The following PRTG variants were observed in gnomAD, a reference collection of about 807,000 sequenced individuals.
PRTG encodes immunoglobulin superfamily, DCC subclass, member 5.
PRTG carries 67 observed loss-of-function variants against 122.5 expected under a neutral mutation model. The observed-to-expected ratio is 0.55, with a 90% CI of 0.45 to 0.67. PRTG has a LOEUF of 0.67. Among genes scored for constraint, PRTG ranks in the 30% least tolerant of loss-of-function variants. The pLI is 0.00. For missense variants in PRTG, 1,435 were observed against 1,415.4 expected, an observed-to-expected ratio of 1.01 and a Z score of -0.22; for synonymous variants, 554 against 501.1, an observed-to-expected ratio of 1.11 and a Z score of -1.41.
intron 2 of PRTG, among the ~76,000 whole-genome samples, chr15:55,686,918 G>A (rs1411949321): frequency 2.0e-5 from 3 of 152,038 alleles, no homozygotes; most frequent in Admixed American, 1.3e-4. Context: ...AGTGGTTTCC[G>A]ACCCTTTTCT....
chr15:55,631,035 G>A (rs1197918281), intron 15 of PRTG, among the ~76,000 whole-genome samples: 1 of 152,140 alleles, frequency 6.6e-6, no homozygotes, highest in Non-Finnish European at 1.5e-5. Context: ...ATCTCTGCAG[G>A]TCACACGGTG....
chr15:55,680,650 A>T, intron 4 of PRTG, 22 bp from the exon 5 acceptor site: 1 of 1,424,592 alleles, frequency 7.0e-7, no homozygotes, highest in Non-Finnish European at 9.3e-7. Flanking sequence ...AAAAGACAGA[A>T]TATAAAAATA....
At chr15:55,724,691 G>A (rs1189513215) in intron 2 of PRTG, among the ~76,000 whole-genome samples, 1 of 152,154 alleles carries the variant, frequency 6.6e-6, no homozygotes, top group African/African-American at 2.4e-5. Flanking sequence ...CCAGAAGGCA[G>A]AGGTTGCGGT....
chr15:55,717,784 A>T (rs1447606003), intron 2 of PRTG, among the ~76,000 whole-genome samples: 1 of 152,230 alleles, frequency 6.6e-6, no homozygotes, highest in Non-Finnish European at 1.5e-5. Flanking sequence ...GTTAACTTTA[A>T]ATTTTTCTTT....
At chr15:55,646,091 C>T (rs1033071197) in intron 11 of PRTG, among the ~76,000 whole-genome samples, 2 of 152,026 alleles carry the variant, frequency 1.3e-5, no homozygotes, top group African/African-American at 4.8e-5. Context: ...ACCGCAACCT[C>T]CTCCTCCCGC....
chr15:55,722,621 AGGCTT>A (rs1487739143), intron 2 of PRTG, among the ~76,000 whole-genome samples: 75 of 152,364 alleles, frequency 4.9e-4, no homozygotes, highest in African/African-American at 1.7e-3. Flanking sequence ...CGTCAAGATT[AGGCTT>A]GTAGTTTCCA....
At chr15:55,635,571 C>T (rs771678572) in intron 15 of PRTG, among the ~76,000 whole-genome samples, 1 of 152,074 alleles carries the variant, frequency 6.6e-6, no homozygotes, top group African/African-American at 2.4e-5. Context: ...AATAGATAAC[C>T]GATATAAACA....
chr15:55,742,966 C>T lies in PRTG; in HGVS notation c.-35G>A. 6.8e-7 allele frequency: 1 copy of T among 1,464,928 alleles called. No individual in the cohort carries two copies. Among genetic ancestry groups the T allele is most frequent in the Non-Finnish European group, 9.0e-7 (1 of 1,109,886 alleles). The allele number at this position is 1,464,928 out of a possible 1,614,324, so 90.7% of individuals were successfully genotyped here. On this transcript the variant is annotated 5_prime_UTR_variant, in exon 1 of 20. Transcript: ENST00000389286. ...CCGCGCGGGCATGCTCCCCGGCCGC[C>T]CAGAGCCCCTGTCCGTCTGCGGCCC...
intron 2 of PRTG, among the ~76,000 whole-genome samples, chr15:55,710,230 A>G (rs1201984380): frequency 6.6e-6 from 1 of 152,228 alleles, no homozygotes; most frequent in Non-Finnish European, 1.5e-5. Flanking sequence ...AAAGCCTTTA[A>G]AAGTTCCAGA....
chr15:55,697,080 G>A (rs981632414), intron 2 of PRTG, among the ~76,000 whole-genome samples: 5 of 152,114 alleles, frequency 3.3e-5, no homozygotes, highest in Admixed American at 3.3e-4. Flanking sequence ...TTTGCTCTCT[G>A]CCAAATGCTA....
intron 2 of PRTG, among the ~76,000 whole-genome samples, chr15:55,708,167 A>C (rs1217793582): frequency 3.7e-4 from 49 of 133,124 alleles, no homozygotes; most frequent in East Asian, 1.2e-3. Flanking sequence ...AAAAAAAAAA[A>C]AAAAAAAAAA....
chr15:55,708,320 G>A (rs1410542280), intron 2 of PRTG, among the ~76,000 whole-genome samples: 2 of 152,102 alleles, frequency 1.3e-5, no homozygotes, highest in Admixed American at 6.5e-5. Context: ...CAAATAAAGT[G>A]AAACCAGGCC....
In PRTG at chr15:55,641,157, T is replaced by A; in HGVS notation, c.2093A>T (p.Asp698Val). ...GACAGTCTGATCTGCCTGATAGCCA[T>A]CGTCTATGTTGTTGTAAGCCAGGAG... ...VRLLAYNNID[D>V]GYQADQTVST... The change falls in exon 12 of 20, where the codon GAT (aspartate) becomes GTT (valine). Residue 698 changes from aspartate (D) to valine (V), a missense_variant. Transcript: ENST00000389286. The A allele has an allele frequency of 6.2e-7, 1 of 1,614,060 alleles. No individual in the cohort carries two copies. Among genetic ancestry groups the A allele is most frequent in the Non-Finnish European group, 8.5e-7 (1 of 1,179,944 alleles).
chr15:55,727,392 C>G (rs1410052066), intron 2 of PRTG, among the ~76,000 whole-genome samples: 1 of 151,904 alleles, frequency 6.6e-6, no homozygotes, highest in Non-Finnish European at 1.5e-5. Flanking sequence ...ATCAGATAGC[C>G]TAGATGAAAT....
intron 15 of PRTG, among the ~76,000 whole-genome samples, chr15:55,630,092 T>C (rs2059219221): frequency 1.3e-5 from 2 of 151,666 alleles, no homozygotes; most frequent in Admixed American, 1.3e-4. Flanking sequence ...GTTCACGCCA[T>C]TCTCCCGCCT....
In PRTG at chr15:55,742,983, C is replaced by T; in HGVS notation, c.-52G>A. The T allele has an allele frequency of 7.1e-7, 1 of 1,402,038 alleles. No individual in the cohort carries two copies. Among genetic ancestry groups the T allele is most frequent in the South Asian group, 1.6e-5 (1 of 62,854 alleles). 86.8% of individuals were successfully genotyped at this position (1,402,038 alleles called of 1,614,324 possible). A position where few individuals can be genotyped will look rare whatever the true frequency, so the allele number is the denominator to read the frequency against. On this transcript the variant is annotated 5_prime_UTR_variant, in exon 1 of 20. Transcript: ENST00000389286. ...CCGGCCGCCCAGAGCCCCTGTCCGT[C>T]TGCGGCCCCCGCCCCGGGCGCTCTC... is the stretch of plus-strand genomic sequence containing the variant.
intron 2 of PRTG, among the ~76,000 whole-genome samples, chr15:55,688,150 A>G (rs906815809): frequency 6.6e-6 from 1 of 152,180 alleles, no homozygotes; most frequent in Admixed American, 6.5e-5. Flanking sequence ...TGGGATCGAA[A>G]CTTCTCTTAA....
At chr15:55,733,183 T>TG (rs2031295472) in intron 2 of PRTG, among the ~76,000 whole-genome samples, 1 of 152,106 alleles carries the variant, frequency 6.6e-6, no homozygotes, top group Non-Finnish European at 1.5e-5. Flanking sequence ...CACTCTAGCC[T>TG]GGCAACAGAG....
In PRTG at chr15:55,611,554, CT is replaced by C. The variant is rs1182347123; in HGVS notation, c.*8457del. On this transcript the variant is annotated 3_prime_UTR_variant, in exon 20 of 20. Transcript: ENST00000389286. ...GAAAACATGGGTTTGTCTTTTTTAA[CT>C]AAGGAAAGCTTTTATTTAAATTGTG... The C allele has an allele frequency of 6.6e-6, 1 of 151,918 alleles. No individual in the cohort carries two copies. Among genetic ancestry groups the C allele is most frequent in the African/African-American group, 2.4e-5 (1 of 41,380 alleles). 9.4% of individuals were successfully genotyped at this position (151,918 alleles called of 1,614,324 possible).
Sources: gnomAD v4.1 joint callset for allele counts (sites outside exome capture counted in the v4.1 genomes callset) on GRCh38, gnomAD v4.1.1 for gene constraint, MANE v1.5 for transcripts, NCBI Gene and HGNC (gene_info 2026-07-23, HGNC 2026-07-21) for gene names.